The following CCDC12 variants were observed in gnomAD, a reference collection of about 807,000 sequenced individuals.
CCDC12 encodes the protein coiled-coil domain-containing protein 12.
In CCDC12, 28 loss-of-function variants were observed where a neutral mutation model predicts 25.7. The observed-to-expected ratio is 1.09, with a 90% CI of 0.81 to 1.50. The LOEUF is 1.50. CCDC12 is among the 40% of genes most tolerant of loss of function. CCDC12 has a pLI of 0.00. For synonymous variants in CCDC12, 75 were observed against 87.7 expected (o/e 0.86, Z 0.81); for missense variants, 198 against 210.0 (o/e 0.94, Z 0.35).
chr3:46,921,803 C>G lies in CCDC12; in HGVS notation c.*254G>C. 1 of 553,148 alleles carries G rather than the reference C, an allele frequency of 1.8e-6. No homozygotes were observed. The highest frequency in any genetic ancestry group is 3.2e-6 in the Non-Finnish European group (1 of 309,112). The allele number at this position is 553,148 out of a possible 1,614,324, so 34.3% of individuals were successfully genotyped here. A position where few individuals can be genotyped will look rare whatever the true frequency, so the allele number is the denominator to read the frequency against. On this transcript the variant is annotated 3_prime_UTR_variant, in exon 7 of 7. Transcript: ENST00000683445. ...AAAGTTCAAAATATATACATATATA[C>G]AGACATATGTACATCCACATGTGCA...
Position 46,921,973 on chromosome 3 carries a change from G to A in CCDC12, c.*84C>T. The A allele has an allele frequency of 2.1e-6, 3 of 1,449,460 alleles. No individual in the cohort carries two copies. The highest frequency in any genetic ancestry group is 2.9e-6 in the Non-Finnish European group (3 of 1,043,606). The allele number at this position is 1,449,460 out of a possible 1,614,324, so 89.8% of individuals were successfully genotyped here. ...TCTGCTCAGAAGCCAAACTGGAGGT[G>A]ATGGCAAGCCTAGCCCCCATCCCTG... On this transcript the variant is annotated 3_prime_UTR_variant, in exon 7 of 7. Coordinates refer to ENST00000683445, the MANE Select transcript of CCDC12 (RefSeq NM_001277074.2).
chr3:46,976,868 A>T, upstream of CCDC12: 1 of 1,389,042 alleles, frequency 7.2e-7, no homozygotes, highest in Non-Finnish European at 9.5e-7. Flanking sequence ...ATGCGGGGTT[A>T]TTATGGGCGA....
upstream of CCDC12, chr3:46,979,926 GC>G (rs1185765426): frequency 2.7e-6 from 1 of 376,436 alleles, no homozygotes. Flanking sequence ...AGCCCGCCCC[GC>G]CCCGCGCCCG....
intron 2 of CCDC12, among the ~76,000 whole-genome samples, chr3:46,931,752 T>A (rs2033225755): frequency 6.6e-6 from 1 of 152,136 alleles, no homozygotes; most frequent in East Asian, 1.9e-4. Context: ...TGTGAGGCAC[T>A]CCTCCTAGTA....
intron 1 of CCDC12, among the ~76,000 whole-genome samples, chr3:46,942,764 T>C (rs1043862878): frequency 2.0e-4 from 30 of 152,150 alleles, no homozygotes. Context: ...ACTGACCAAG[T>C]GACAGCAGCT....
chr3:46,979,648 A>G (rs924153176), upstream of CCDC12: 9 of 307,356 alleles, frequency 2.9e-5, no homozygotes, highest in Admixed American at 3.0e-4. Context: ...AAGTGCAGGA[A>G]GCTGGGCGGC....
chr3:46,935,495 G>A (rs548239825), intron 2 of CCDC12, among the ~76,000 whole-genome samples: 18 of 152,056 alleles, frequency 1.2e-4, no homozygotes, highest in African/African-American at 4.1e-4. Flanking sequence ...AAGAAGTGAC[G>A]GAGAGCTTTT....
chr3:46,941,576 A>G (rs1448084543), intron 1 of CCDC12, among the ~76,000 whole-genome samples: 2 of 151,882 alleles, frequency 1.3e-5, no homozygotes, highest in Non-Finnish European at 2.9e-5. Flanking sequence ...AAAAAAAAAA[A>G]AAGCAACAAA....
At chr3:46,924,963 G>A (rs2032878085) in intron 3 of CCDC12, 2 of 307,304 alleles carry the variant, frequency 6.5e-6, no homozygotes, top group Non-Finnish European at 1.3e-5. Context: ...TGGCTGTGCT[G>A]TTCCCACGCC....
chr3:46,975,190 A>AT (rs755245357), intron 1 of CCDC12, among the ~76,000 whole-genome samples: 3,099 of 145,818 alleles, frequency 0.021, 48 homozygotes, highest in African/African-American at 0.04. Context: ...TTTTTTCCCA[A>AT]TTTTTTTTTT....
At chr3:46,928,193 G>A (rs1262362821) in intron 2 of CCDC12, among the ~76,000 whole-genome samples, 1 of 152,034 alleles carries the variant, frequency 6.6e-6, no homozygotes, top group African/African-American at 2.4e-5. Context: ...AGGTTGCAGT[G>A]AGCTGAGATC....
chr3:46,979,181 G>C (rs1217073412), upstream of CCDC12, among the ~76,000 whole-genome samples: 3 of 152,190 alleles, frequency 2.0e-5, no homozygotes, highest in Non-Finnish European at 4.4e-5. Flanking sequence ...AGGGCACCGC[G>C]GCCCCGAAGG....
intron 1 of CCDC12, among the ~76,000 whole-genome samples, chr3:46,968,963 TTA>T (rs1469555381): frequency 2.6e-5 from 4 of 152,172 alleles, no homozygotes; most frequent in African/African-American, 9.7e-5. Context: ...CACGCAAATG[TTA>T]TGACTGCCAA....
At chr3:46,976,193 G>A (rs936179) in intron 1 of CCDC12, 474,875 of 486,006 alleles carry the variant, frequency 0.98, 233,052 homozygotes, top group East Asian at 1. Context: ...ACCCACTGCT[G>A]TCACTTGCTG....
chr3:46,944,557 C>G (rs2033832689), intron 1 of CCDC12, among the ~76,000 whole-genome samples: 1 of 151,950 alleles, frequency 6.6e-6, no homozygotes, highest in African/African-American at 2.4e-5. Flanking sequence ...CACCCCCACT[C>G]CCCACTCAAT....
At chr3:46,946,543 T>G (rs576347370) in intron 1 of CCDC12, among the ~76,000 whole-genome samples, 11 of 152,380 alleles carry the variant, frequency 7.2e-5, no homozygotes, top group Admixed American at 3.9e-4. Flanking sequence ...CCCACATGGC[T>G]GGCCCAGCCT....
chr3:46,980,446 C>T (rs531577801), upstream of CCDC12, among the ~76,000 whole-genome samples: 5 of 152,116 alleles, frequency 3.3e-5, no homozygotes, highest in Non-Finnish European at 5.9e-5. Context: ...TGCATCCCCC[C>T]ACACCCCAGC....
At chr3:46,976,892 T>C, upstream of CCDC12, 2 of 1,257,450 alleles carry the variant, frequency 1.6e-6, no homozygotes, top group East Asian at 5.6e-5. Context: ...CTCCCCGCCT[T>C]GCCCCGCCCC....
chr3:46,973,643 T>C (rs2034876029), intron 1 of CCDC12, among the ~76,000 whole-genome samples: 1 of 131,280 alleles, frequency 7.6e-6, no homozygotes. Context: ...AGATGGAGTC[T>C]CACTCTGTCG....
Sources: gnomAD v4.1 joint callset for allele counts (sites outside exome capture counted in the v4.1 genomes callset) on GRCh38, gnomAD v4.1.1 for gene constraint, MANE v1.5 for transcripts, NCBI Gene and HGNC (gene_info 2026-07-23, HGNC 2026-07-21) for gene names.